Variants in ZC3H12B observed in about 807,000 individuals in gnomAD.
ZC3H12B encodes probable ribonuclease ZC3H12B.
A neutral mutation model predicts 43.9 loss-of-function variants in ZC3H12B; 7 were observed. That is an observed-to-expected ratio of 0.16 (90% CI 0.09 to 0.30). The LOEUF (loss-of-function observed/expected upper bound fraction) is 0.30. Among genes scored for constraint, ZC3H12B ranks in the 10% least tolerant of loss-of-function variants. The probability of loss-of-function intolerance (pLI) is 1.00; values close to 1 mark genes in which losing one functional copy is unlikely to be tolerated. For synonymous variants in ZC3H12B, 222 were observed against 241.7 expected (o/e 0.92, Z 0.76); for missense variants, 475 against 670.2 (o/e 0.71, Z 3.22).
chrX:65,172,130 A>T, the ZC3H12B span, among the ~76,000 whole-genome samples: 1 of 112,354 alleles, frequency 8.9e-6, no homozygotes, highest in East Asian at 2.8e-4. Flanking sequence ...TGTAGACTGG[A>T]GCTGTTCCTA....
chrX:65,238,387 G>A, the ZC3H12B span, among the ~76,000 whole-genome samples: 1,126 of 112,087 alleles, frequency 0.01, 14 homozygotes, highest in African/African-American at 0.035. Flanking sequence ...GTGTATAGAG[G>A]TGTTCGTGGT....
chrX:65,064,746 A>G, the ZC3H12B span, among the ~76,000 whole-genome samples: 5 of 111,773 alleles, frequency 4.5e-5, no homozygotes, highest in Non-Finnish European at 9.4e-5. Context: ...GTGCAATGTT[A>G]AAGTCTCCCA....
the ZC3H12B span, among the ~76,000 whole-genome samples, chrX:65,087,137 G>C: frequency 9.1e-6 from 1 of 110,417 alleles, no homozygotes; most frequent in Admixed American, 9.7e-5. Context: ...CCCACAATAG[G>C]TGCGTTTCCC....
intron 3 of ZC3H12B, among the ~76,000 whole-genome samples, chrX:65,426,306 C>A (rs2067081003): frequency 9.5e-6 from 1 of 105,019 alleles, no homozygotes; most frequent in Non-Finnish European, 1.9e-5. Context: ...GTGGTGATAT[C>A]CCCCTTATCA....
chrX:65,093,242 G>C, the ZC3H12B span, among the ~76,000 whole-genome samples: 2 of 112,218 alleles, frequency 1.8e-5, no homozygotes, highest in East Asian at 2.8e-4. Flanking sequence ...GGATGTCTAG[G>C]TGGAAGCCTG....
At chrX:65,486,995 A>G (rs886674166), upstream of ZC3H12B, among the ~76,000 whole-genome samples, 2 of 112,723 alleles carry the variant, frequency 1.8e-5, no homozygotes, top group Non-Finnish European at 3.7e-5. Context: ...TTCGAAGAAA[A>G]TAAATTGTAA....
At chrX:65,192,802 AGATT>A in the ZC3H12B span, among the ~76,000 whole-genome samples, 1 of 111,046 alleles carries the variant, frequency 9.0e-6, no homozygotes, top group Non-Finnish European at 1.9e-5. Context: ...ATAGATAGAT[AGATT>A]GTTTTTGAGA....
chrX:65,095,154 G>C, the ZC3H12B span, among the ~76,000 whole-genome samples: 1 of 111,957 alleles, frequency 8.9e-6, no homozygotes, highest in African/African-American at 3.2e-5. Flanking sequence ...AATCAATGGT[G>C]ATGTTAAGTC....
exon 5 of ZC3H12B, chrX:65,502,499 G>A (rs767646537): frequency 2.5e-6 from 3 of 1,210,518 alleles, no homozygotes; most frequent in East Asian, 3.0e-5. Context: ...TTACAACAAC[G>A]TGTATTTGGC....
chrX:65,150,777 T>A, the ZC3H12B span, among the ~76,000 whole-genome samples: 1 of 111,677 alleles, frequency 9.0e-6, no homozygotes, highest in East Asian at 2.8e-4. Flanking sequence ...TACTTCCCCT[T>A]TCTTCTTTGC....
At chrX:65,284,022 C>A in the ZC3H12B span, among the ~76,000 whole-genome samples, 3 of 110,720 alleles carry the variant, frequency 2.7e-5, no homozygotes, top group African/African-American at 9.9e-5. Flanking sequence ...GGATCGATCC[C>A]CAGCAGGACT....
intron 2 of ZC3H12B, among the ~76,000 whole-genome samples, chrX:65,388,427 T>C (rs1447192666): frequency 1.8e-5 from 2 of 112,441 alleles, no homozygotes; most frequent in African/African-American, 6.5e-5. Context: ...TTCCAGTTGA[T>C]CAAATCGGCT....
intron 3 of ZC3H12B, among the ~76,000 whole-genome samples, chrX:65,425,904 A>C (rs1379482726): frequency 9.0e-6 from 1 of 111,502 alleles, no homozygotes; most frequent in Non-Finnish European, 1.9e-5. Flanking sequence ...TTCATCAAGC[A>C]TATGGCCTTA....
At chrX:65,071,289 GTTT>G in the ZC3H12B span, among the ~76,000 whole-genome samples, 20 of 80,631 alleles carry the variant, frequency 2.5e-4, no homozygotes, top group African/African-American at 9.1e-4. Context: ...CTTTTTTTCA[GTTT>G]TTTTTTTTTT....
chrX:65,287,806 A>G, the ZC3H12B span, among the ~76,000 whole-genome samples: 2 of 110,536 alleles, frequency 1.8e-5, no homozygotes, highest in Non-Finnish European at 3.8e-5. Context: ...AATAAGTATC[A>G]GAGCAGAATT....
the ZC3H12B span, among the ~76,000 whole-genome samples, chrX:65,066,635 G>A: frequency 8.9e-6 from 1 of 111,996 alleles, no homozygotes; most frequent in Non-Finnish European, 1.9e-5. Flanking sequence ...TCCACTTGAG[G>A]TGGCAGTCTG....
chrX:65,268,158 A>T, the ZC3H12B span, among the ~76,000 whole-genome samples: 2 of 112,085 alleles, frequency 1.8e-5, no homozygotes, highest in African/African-American at 6.5e-5. Flanking sequence ...CAAATTGGAT[A>T]ACCTAGAGGA....
At chrX:65,352,647 C>T in the ZC3H12B span, among the ~76,000 whole-genome samples, 1 of 110,925 alleles carries the variant, frequency 9.0e-6, no homozygotes, top group East Asian at 2.8e-4. Flanking sequence ...TGCTTCACTT[C>T]CTTATGTTTC....
intron 2 of ZC3H12B, among the ~76,000 whole-genome samples, chrX:65,373,908 G>GTATATATATAGT (rs1491194188): frequency 1.0e-3 from 6 of 5,822 alleles, no homozygotes; most frequent in African/African-American, 1.2e-3. Context: ...TATATATATA[G>GTATATATATAGT]TTATATATAT....
Sources: allele counts gnomAD v4.1 joint callset (sites outside exome capture counted in the v4.1 genomes callset), GRCh38; gene constraint gnomAD v4.1.1; transcripts MANE v1.5; gene names NCBI Gene and HGNC (gene_info 2026-07-23, HGNC 2026-07-21).